The following ADGRE2 variants were observed in gnomAD, a reference collection of about 807,000 sequenced individuals.
ADGRE2 encodes CD97 antigen.
In ADGRE2, 83 loss-of-function variants were observed where a neutral mutation model predicts 100.8. That is an observed-to-expected ratio of 0.82 (90% CI 0.69 to 0.99). ADGRE2 has a LOEUF of 0.99. Among genes scored for constraint, ADGRE2 ranks in the 50% least tolerant of loss-of-function variants. ADGRE2 has a pLI of 0.00. For missense variants in ADGRE2, 814 were observed against 1,035.7 expected (o/e 0.79, Z 2.94); for synonymous variants, 355 against 413.0 (o/e 0.86, Z 1.70).
intron 15 of ADGRE2, 114 bp downstream of exon 15, chr19:14,752,215 G>A (rs2043319590): frequency 3.0e-6 from 4 of 1,336,524 alleles, no homozygotes; most frequent in Non-Finnish European, 4.2e-6. Context: ...TTACAGGCAT[G>A]AGCCACCACG....
At chr19:14,729,981 A>G (rs1428834877), downstream of ADGRE2, among the ~76,000 whole-genome samples, 1 of 152,232 alleles carries the variant, frequency 6.6e-6, no homozygotes, top group African/African-American at 2.4e-5. Context: ...CTTGAGAGAA[A>G]GATTTTGGCT....
At chr19:14,764,284 G>T (rs2043865522) in intron 11 of ADGRE2, 149 bp downstream of exon 11, 3 of 698,646 alleles carry the variant, frequency 4.3e-6, no homozygotes, top group Non-Finnish European at 7.4e-6. Context: ...GTCCAGACTG[G>T]TATGTATTTC....
intron 14 of ADGRE2, among the ~76,000 whole-genome samples, chr19:14,754,538 A>G (rs2043422033): frequency 6.6e-6 from 1 of 152,108 alleles, no homozygotes; most frequent in Non-Finnish European, 1.5e-5. Flanking sequence ...ACAAAGCTTA[A>G]GAGGGATTCT....
intron 5 of ADGRE2, among the ~76,000 whole-genome samples, chr19:14,770,519 G>A (rs1232101517): frequency 6.6e-6 from 1 of 151,964 alleles, no homozygotes. Context: ...TGACCACCAC[G>A]TACAGTTGTG....
chr19:14,754,477 A>ATCTATCTATCTATCTATCTG (rs1555784863), intron 14 of ADGRE2, among the ~76,000 whole-genome samples: 2,331 of 150,242 alleles, frequency 0.016, 37 homozygotes, highest in South Asian at 0.025. Flanking sequence ...CTATCTATCT[A>ATCTATCTATCTATCTATCTG]TCTATCTATC....
chr19:14,773,990 T>A lies in ADGRE2; in HGVS notation c.147A>T (p.Pro49=), dbSNP rs947274277. Residue 49 remains proline, a synonymous_variant, in exon 4 of 21, where the codon CCA becomes CCT. Transcript: ENST00000315576. ...TGATCTCAGAAAAAGAGCTGAACCC[T>A]GGATTGCAGCGACAGGCGGTGGCAT... is the stretch of plus-strand genomic sequence containing the variant. ...CVNATACRCN[P]GFSSFSEIIT... 1.9e-6 allele frequency: 3 copies of A among 1,613,958 alleles called. No homozygotes were observed. In the African/African-American group the frequency reaches 4.0e-5, roughly 22 times the overall value.
chr19:14,747,806 CTAAA>C (rs983558488), intron 16 of ADGRE2, among the ~76,000 whole-genome samples: 6 of 152,116 alleles, frequency 3.9e-5, no homozygotes, highest in African/African-American at 1.4e-4. Context: ...CAGAGTGTTT[CTAAA>C]TAAATAAATA....
chr19:14,755,218 G>C, intron 13 of ADGRE2, 91 bp from the exon 14 acceptor site: 7 of 1,291,298 alleles, frequency 5.4e-6, no homozygotes, highest in African/African-American at 1.5e-5. Context: ...TGGATCACTT[G>C]AGGTCAGGAG....
At chr19:14,761,146 G>C (rs549287609) in intron 11 of ADGRE2, among the ~76,000 whole-genome samples, 16 of 152,350 alleles carry the variant, frequency 1.1e-4, no homozygotes, top group Admixed American at 3.3e-4. Context: ...TCTCACGCCT[G>C]TAATCCCAGC....
At chr19:14,775,773 C>T (rs926581284) in intron 2 of ADGRE2, among the ~76,000 whole-genome samples, 1 of 149,472 alleles carries the variant, frequency 6.7e-6, no homozygotes, top group African/African-American at 2.5e-5. Flanking sequence ...GCAGGAGAAT[C>T]GCTTGAACCC....
intron 16 of ADGRE2, among the ~76,000 whole-genome samples, chr19:14,748,128 C>G (rs8104934): frequency 0.38 from 58,109 of 151,764 alleles, 12,697 homozygotes; most frequent in African/African-American, 0.59. Context: ...TCGCCCTCCT[C>G]CCACTCTCCA....
intron 20 of ADGRE2, among the ~76,000 whole-genome samples, chr19:14,742,645 C>G (rs2042965565): frequency 6.6e-6 from 1 of 152,220 alleles, no homozygotes; most frequent in Admixed American, 6.5e-5. Flanking sequence ...TTAAGAAAGC[C>G]TAAATCCCAG....
chr19:14,739,292 C>T (rs2042854431), intron 20 of ADGRE2, among the ~76,000 whole-genome samples: 1 of 151,948 alleles, frequency 6.6e-6, no homozygotes, highest in South Asian at 2.1e-4. Context: ...TTTTCAAACA[C>T]CAGAGATAAC....
At chr19:14,758,724 A>T (rs963404688) in intron 11 of ADGRE2, among the ~76,000 whole-genome samples, 1 of 152,046 alleles carries the variant, frequency 6.6e-6, no homozygotes, top group South Asian at 2.1e-4. Flanking sequence ...CTCTACTAAA[A>T]ATACAAAAAA....
At chr19:14,731,409 A>T (rs1401729834), downstream of ADGRE2, 2 of 574,026 alleles carry the variant, frequency 3.5e-6, no homozygotes, top group Non-Finnish European at 6.2e-6. Context: ...TGGCTTCCGG[A>T]TTGTAGGTTC....
intron 13 of ADGRE2, 88 bp downstream of exon 13, chr19:14,755,566 G>A: frequency 3.4e-6 from 4 of 1,181,318 alleles, no homozygotes; most frequent in Non-Finnish European, 5.0e-6. Flanking sequence ...CCATAACAGA[G>A]ACCCCTGAGC....
At chr19:14,746,056 T>A (rs1208363206) in intron 18 of ADGRE2, among the ~76,000 whole-genome samples, 176 bp downstream of exon 18, 1 of 152,158 alleles carries the variant, frequency 6.6e-6, no homozygotes, top group African/African-American at 2.4e-5. Flanking sequence ...TTGCATGGGG[T>A]CTCAACAGGA....
rs1425014011 is a variant in ADGRE2, at chr19:14,736,817, G to T, written c.2464-573C>A. Among the ~76,000 whole-genome samples, 15 of 141,460 alleles carry T rather than the reference G, an allele frequency of 1.1e-4. No individual in the cohort carries two copies. The South Asian group carries it at 1.3e-3, about 12-fold the overall frequency. The allele number at this position is 141,460 out of a possible 152,430, so 92.8% of individuals were successfully genotyped here. A position where few individuals can be genotyped will look rare whatever the true frequency, so the allele number is the denominator to read the frequency against. On this transcript the variant is annotated intron_variant, in intron 20 of 20. Transcript: ENST00000315576. ...ATATTTAGAAATATATAGATATTTA[G>T]AAATATATAGATATTTAATATCTAT...
rs1191699597 is a variant in ADGRE2, at chr19:14,746,275, G to A, written c.2140C>T (p.Leu714Phe). 2 of 1,610,690 alleles carry A rather than the reference G, an allele frequency of 1.2e-6. No homozygotes were observed. Residue 714 changes from leucine (L) to phenylalanine (F), a missense_variant, in exon 18 of 21, where the codon CTC becomes TTC. By Grantham distance (22) the Leu-to-Phe change is conservative (BLOSUM62 0). Around this residue, in one of 5 missense-constraint regions of ADGRE2, gnomAD observed 569 missense variants for 692.7 expected, o/e 0.82. Transcript: ENST00000315576. ...GACACTTCACTATTGAGGGAGGAGA[G>A]TCTGTTTTTCAAAATCCAGAGAGTC... ...LVTLWILKNR[L>F]SSLNSEVSTL...
Sources: gnomAD v4.1 joint callset for allele counts (sites outside exome capture counted in the v4.1 genomes callset) on GRCh38, gnomAD v4.1.1 for gene constraint, gnomAD v4.1.1 regional missense constraint, MANE v1.5 for transcripts, NCBI Gene and HGNC (gene_info 2026-07-23, HGNC 2026-07-21) for gene names.